Variants in SCARB1 observed in about 807,000 individuals in gnomAD.
SCARB1 encodes the protein CD36 and LIMPII analogous 1.
A neutral mutation model predicts 57.2 loss-of-function variants in SCARB1; 30 were observed. That is an observed-to-expected ratio of 0.52 (90% CI 0.39 to 0.71). The LOEUF (loss-of-function observed/expected upper bound fraction) is 0.71. SCARB1 is among the 30% of genes least tolerant of loss of function. The pLI, the probability that SCARB1 is intolerant of heterozygous loss-of-function variation, is 0.00. For synonymous variants in SCARB1, 249 were observed against 268.3 expected, an observed-to-expected ratio of 0.93 and a Z score of 0.70; for missense variants, 543 against 671.2, an observed-to-expected ratio of 0.81 and a Z score of 2.11.
rs1011828780 is a variant in SCARB1 at position 124,789,994 on chromosome 12, AG to A, written c.1203-2538del. Among the ~76,000 whole-genome samples the A allele has an allele frequency of 7.4e-6, 1 of 135,926 alleles. No individual in the cohort carries two copies. The highest frequency in any genetic ancestry group is 3.2e-5 in the African/African-American group (1 of 31,314). The allele number at this position is 135,926 out of a possible 152,430, so 89.2% of individuals were successfully genotyped here. On this transcript the variant is annotated intron_variant, in intron 9 of 12. Coordinates refer to ENST00000261693, the MANE Select transcript of SCARB1 (RefSeq NM_005505.5). The surrounding 1 kb of genome is among the most constrained non-coding windows in gnomAD (Gnocchi z 4.4). The stretch of plus-strand genomic sequence containing the variant: ...CCATTGCACTCCAGCCTGGCGACAG[AG>A]TGAGACTCCGTCTCAAAAAAAAAAA...
At chr12:124,815,184 A>C in intron 2 of SCARB1, 70 bp from the exon 3 acceptor site, 2 of 1,568,450 alleles carry the variant, frequency 1.3e-6, no homozygotes, top group Non-Finnish European at 1.7e-6. Flanking sequence ...ACTCGCCTGC[A>C]ATGCCTGCCT....
chr12:124,811,896 C>G lies in SCARB1; in HGVS notation c.700G>C (p.Val234Leu). The change falls in exon 5 of 13, where the codon GTG becomes CTG. Residue 234 changes from valine (V) to leucine (L), a missense_variant. By Grantham distance (32) the Val-to-Leu change is conservative (BLOSUM62 1). Transcript: ENST00000261693. ...TTGCTCAGCCCGTTCCACTTGTCCA[C>G]GAGGTGGATCCTGCTGATGTTCTGG... ...GVQNISRIHL[V>L]DKWNGLSKVD... is the part of the protein sequence containing the mutation. 1 of 1,613,002 alleles carries G rather than the reference C, an allele frequency of 6.2e-7. No individual in the cohort carries two copies. The highest frequency in any genetic ancestry group is 8.5e-7 in the Non-Finnish European group (1 of 1,179,550).
intron 9 of SCARB1, among the ~76,000 whole-genome samples, chr12:124,793,024 C>A (rs987053072): frequency 4.6e-5 from 7 of 152,080 alleles, no homozygotes; most frequent in South Asian, 2.1e-4. Context: ...CTCTTCCATG[C>A]CTGGGGCTGT....
chr12:124,782,908 G>A (rs1949370882), intron 11 of SCARB1, 97 bp from the exon 12 acceptor site: 1 of 1,296,992 alleles, frequency 7.7e-7, no homozygotes, highest in African/African-American at 1.5e-5. Context: ...GAGGAAACAG[G>A]AAAGGCACAT....
chr12:124,853,390 GTTTT>G (rs757246980), intron 1 of SCARB1, among the ~76,000 whole-genome samples: 72 of 122,552 alleles, frequency 5.9e-4, no homozygotes, highest in Non-Finnish European at 9.1e-4. Context: ...GCATAGTTTT[GTTTT>G]TTTTTTTTTT....
At chr12:124,803,936 T>G (rs1950235064) in intron 7 of SCARB1, among the ~76,000 whole-genome samples, 1 of 152,124 alleles carries the variant, frequency 6.6e-6, no homozygotes. Flanking sequence ...ATTTTAAAAT[T>G]CCTTTGCGCT....
intron 1 of SCARB1, among the ~76,000 whole-genome samples, chr12:124,840,486 C>G (rs949858466): frequency 6.6e-6 from 1 of 152,142 alleles, no homozygotes; most frequent in Non-Finnish European, 1.5e-5. Context: ...GCCTGCATGT[C>G]TTCTTTGCAG....
chr12:124,858,038 G>A (rs548618841), intron 1 of SCARB1, among the ~76,000 whole-genome samples: 6 of 152,262 alleles, frequency 3.9e-5, no homozygotes, highest in African/African-American at 7.2e-5. Context: ...CCAGGCCTTC[G>A]TTACTCACCC....
rs111869272 is a variant in SCARB1 at position 124,835,546 on chromosome 12, G to A, written c.127-17839C>T. On this transcript the variant is annotated intron_variant, in intron 1 of 12. Transcript: ENST00000261693. ...TCAACCTCCCAAAGAGCTGGATTACGAACGTGAGACACTGCACCCAGCCCT... is the reference window on the plus strand; with the variant it reads ...TCAACCTCCCAAAGAGCTGGATTACAAACGTGAGACACTGCACCCAGCCCT... 1.7e-4 allele frequency among the ~76,000 whole-genome samples: 26 copies of A among 152,064 alleles called. 1 individual carries two copies. The highest frequency in any genetic ancestry group is 1.5e-3 in the South Asian group (7 of 4,806).
At chr12:124,837,588 GA>G (rs71092229) in intron 1 of SCARB1, among the ~76,000 whole-genome samples, 10,442 of 60,972 alleles carry the variant, frequency 0.17, 936 homozygotes, top group East Asian at 0.37. Context: ...GAAAAGAAAA[GA>G]AAAGAAAAGT....
intron 12 of SCARB1, among the ~76,000 whole-genome samples, chr12:124,780,112 CCCTCCTCCT>C (rs766967334): frequency 1.3e-5 from 2 of 152,042 alleles, no homozygotes; most frequent in Non-Finnish European, 2.9e-5. Context: ...CTCCTCCTTC[CCCTCCTCCT>C]CCTCCTCTTT....
intron 9 of SCARB1, among the ~76,000 whole-genome samples, chr12:124,793,177 G>A (rs1366565668): frequency 2.6e-5 from 4 of 152,138 alleles, no homozygotes; most frequent in Non-Finnish European, 5.9e-5. Context: ...CTTTCCAGCC[G>A]AGAGGCATTT....
chr12:124,819,239 T>G (rs370155910), intron 1 of SCARB1, among the ~76,000 whole-genome samples: 2 of 151,292 alleles, frequency 1.3e-5, no homozygotes, highest in East Asian at 3.9e-4. Flanking sequence ...ATCTAGAAGG[T>G]GAGGCGCAGG....
intron 1 of SCARB1, among the ~76,000 whole-genome samples, chr12:124,849,054 T>C (rs997431210): frequency 1.3e-5 from 2 of 152,252 alleles, no homozygotes; most frequent in Non-Finnish European, 2.9e-5. Context: ...AACTTCATTT[T>C]ACAGAAAAGT....
At chr12:124,855,307 T>G (rs1952582707) in intron 1 of SCARB1, among the ~76,000 whole-genome samples, 1 of 151,918 alleles carries the variant, frequency 6.6e-6, no homozygotes, top group Admixed American at 6.6e-5. Flanking sequence ...CGGCCAGGCC[T>G]TGGGCCATGA....
intron 8 of SCARB1, among the ~76,000 whole-genome samples, chr12:124,799,216 TCTTC>T (rs1273882908): frequency 9.2e-5 from 14 of 152,194 alleles, no homozygotes; most frequent in Non-Finnish European, 1.3e-4. Context: ...AGACAGCTTT[TCTTC>T]TTCAATTTAG....
intron 1 of SCARB1, among the ~76,000 whole-genome samples, chr12:124,827,142 C>T (rs1357687434): frequency 1.3e-5 from 2 of 152,134 alleles, no homozygotes; most frequent in Non-Finnish European, 1.5e-5. Context: ...CCTCAGACAC[C>T]GGATTAAAGA....
chr12:124,817,421 C>A lies in SCARB1; in HGVS notation c.284+129G>T. On this transcript the variant is annotated intron_variant, in intron 2 of 12. Coordinates refer to ENST00000261693, the MANE Select transcript of SCARB1 (RefSeq NM_005505.5). The surrounding 1 kb of genome is among the most constrained non-coding windows in gnomAD (Gnocchi z 4.8). ...TCTCTGGGACTAGCACTTACCCCGA[C>A]TATGACTTGCCTGCTTCCGGAACAA... 1 of 787,348 alleles carries A rather than the reference C, an allele frequency of 1.3e-6. No individual in the cohort carries two copies. The highest frequency in any genetic ancestry group is 2.1e-6 in the Non-Finnish European group (1 of 487,658). The allele number at this position is 787,348 out of a possible 1,614,324, so 48.8% of individuals were successfully genotyped here.
chr12:124,855,833 A>G (rs1952600510), intron 1 of SCARB1, among the ~76,000 whole-genome samples: 1 of 152,172 alleles, frequency 6.6e-6, no homozygotes, highest in Non-Finnish European at 1.5e-5. Flanking sequence ...CCCTCTGGAC[A>G]CTAAGGAACC....
Sources: allele counts gnomAD v4.1 joint callset (sites outside exome capture counted in the v4.1 genomes callset), GRCh38; gene constraint gnomAD v4.1.1; non-coding constraint Gnocchi (gnomAD v3.1); transcripts MANE v1.5; gene names NCBI Gene and HGNC (gene_info 2026-07-23, HGNC 2026-07-21).